The following CRACR2A variants were observed in gnomAD, a reference collection of about 807,000 sequenced individuals.
CRACR2A encodes the protein calcium release activated channel regulator 2A.
CRACR2A carries 79 observed loss-of-function variants against 90.5 expected under a neutral mutation model. The ratio of observed to expected loss-of-function variants is 0.87; its 90% confidence interval spans 0.73 to 1.05. The LOEUF is 1.05. Among genes scored for constraint, CRACR2A ranks in the 50% least tolerant of loss-of-function variants. CRACR2A has a pLI of 0.00. For synonymous variants in CRACR2A, 338 were observed against 356.7 expected (o/e 0.95, Z 0.59); for missense variants, 823 against 897.2 (o/e 0.92, Z 1.06).
intron 18 of CRACR2A, among the ~76,000 whole-genome samples, chr12:3,617,936 G>A (rs1335812098): frequency 6.6e-6 from 1 of 152,128 alleles, no homozygotes; most frequent in East Asian, 1.9e-4. Context: ...CAGCCCCATG[G>A]GCTCTATTTC....
At chr12:3,660,369 G>A (rs1565478998) in intron 7 of CRACR2A, among the ~76,000 whole-genome samples, 1 of 152,140 alleles carries the variant, frequency 6.6e-6, no homozygotes, top group African/African-American at 2.4e-5. Flanking sequence ...GGAGGATGGC[G>A]ATGACAATGA....
chr12:3,653,014 A>G (rs1944821526), intron 10 of CRACR2A, among the ~76,000 whole-genome samples: 2 of 151,576 alleles, frequency 1.3e-5, no homozygotes, highest in Non-Finnish European at 2.9e-5. Context: ...GGGGAGTCTC[A>G]CTCTGTCACC....
At chr12:3,643,182 T>C (rs2137389827) in intron 12 of CRACR2A, among the ~76,000 whole-genome samples, 1 of 152,300 alleles carries the variant, frequency 6.6e-6, no homozygotes. Context: ...GCTCTAATAG[T>C]ACACACAGGT....
chr12:3,656,479 C>A lies in CRACR2A; in HGVS notation c.763-73G>T, dbSNP rs1247010619. On this transcript the variant is annotated intron_variant, in intron 8 of 19. Transcript: ENST00000440314. ...CGGGTTATAGATTTTTTTTTTCCCA[C>A]CTTGAACCTACTCAACATCAGGGCC... 4 of 1,365,222 alleles carry A rather than the reference C, an allele frequency of 2.9e-6. No homozygotes were observed. In the African/African-American group the frequency reaches 4.3e-5, roughly 15 times the overall value. 84.6% of individuals were successfully genotyped at this position (1,365,222 alleles called of 1,614,324 possible).
At chr12:3,703,365 A>G (rs1356298413) in intron 3 of CRACR2A, among the ~76,000 whole-genome samples, 1 of 152,208 alleles carries the variant, frequency 6.6e-6, no homozygotes, top group Non-Finnish European at 1.5e-5. Context: ...GATTACAGGC[A>G]TGAGCCACCG....
At chr12:3,717,213 C>CT (rs1465365569) in intron 2 of CRACR2A, among the ~76,000 whole-genome samples, 2 of 152,294 alleles carry the variant, frequency 1.3e-5, no homozygotes, top group East Asian at 3.9e-4. Context: ...CTTCCAGATG[C>CT]TAGAGGCTGG....
chr12:3,707,788 GTAA>G (rs1220567427), intron 3 of CRACR2A, among the ~76,000 whole-genome samples: 1 of 152,206 alleles, frequency 6.6e-6, no homozygotes, highest in Admixed American at 6.5e-5. Context: ...AGAGAGAGAT[GTAA>G]TAATAACACC....
intron 4 of CRACR2A, among the ~76,000 whole-genome samples, chr12:3,688,981 T>A (rs1261815387): frequency 6.6e-6 from 1 of 152,204 alleles, no homozygotes; most frequent in Non-Finnish European, 1.5e-5. Context: ...TGGGAATATC[T>A]TCCTGATTTG....
chr12:3,632,991 AT>A (rs1565465512), intron 15 of CRACR2A, among the ~76,000 whole-genome samples: 2 of 152,360 alleles, frequency 1.3e-5, no homozygotes, highest in East Asian at 3.9e-4. Flanking sequence ...CTCTATTTAA[AT>A]AAAATATCAC....
chr12:3,732,694 T>G lies in CRACR2A; in HGVS notation c.-118+248A>C, dbSNP rs544279866. The G allele has an allele frequency of 4.6e-5, 7 of 152,284 alleles. No individual in the cohort carries two copies. The South Asian group carries it at 1.5e-3, about 32-fold the overall frequency. 9.4% of individuals were successfully genotyped at this position (152,284 alleles called of 1,614,324 possible). On this transcript the variant is annotated intron_variant, in intron 2 of 19. Transcript: ENST00000440314. ...GTCCCAGTCAGAGAAGCAGACCCTG[T>G]GGGATGTTGAGCCTATTCTGCAGCA...
intron 15 of CRACR2A, among the ~76,000 whole-genome samples, chr12:3,629,591 C>A (rs1019474463): frequency 3.3e-5 from 5 of 152,316 alleles, no homozygotes; most frequent in South Asian, 4.1e-4. Flanking sequence ...GGTAGACGGG[C>A]AGGGAGTTTG....
intron 8 of CRACR2A, 59 bp from the exon 9 acceptor site, chr12:3,656,465 T>A: frequency 7.4e-7 from 1 of 1,346,144 alleles, no homozygotes; most frequent in Non-Finnish European, 1.0e-6. Flanking sequence ...GGGTTATAGA[T>A]TTTTTTTTTC....
intron 1 of CRACR2A, among the ~76,000 whole-genome samples, chr12:3,750,697 G>C (rs1386123818): frequency 6.6e-6 from 1 of 152,146 alleles, no homozygotes; most frequent in African/African-American, 2.4e-5. Context: ...TGAACTCAGT[G>C]GGTGATTAGC....
chr12:3,647,480 T>C (rs1335003575), intron 11 of CRACR2A, among the ~76,000 whole-genome samples: 1 of 152,134 alleles, frequency 6.6e-6, no homozygotes, highest in African/African-American at 2.4e-5. Context: ...CTAAATGCAA[T>C]AGAAAAAAAA....
chr12:3,657,495 C>T lies in CRACR2A; in HGVS notation c.763-1089G>A, dbSNP rs576752116. ...GCCTTTGGACACCTCCATTCAAAGGCGCAGGATGCTTCCTTGCGCATCCTC... is the reference window on the plus strand; with the variant it reads ...GCCTTTGGACACCTCCATTCAAAGGTGCAGGATGCTTCCTTGCGCATCCTC... On this transcript the variant is annotated intron_variant, in intron 8 of 19. Coordinates refer to ENST00000440314, the MANE Select transcript of CRACR2A (RefSeq NM_001144958.2). Among the ~76,000 whole-genome samples, 32 of 152,308 alleles carry T rather than the reference C, an allele frequency of 2.1e-4. No homozygotes were observed. The South Asian group carries it at 3.9e-3, about 19-fold the overall frequency.
chr12:3,737,878 T>C (rs1199761841), intron 1 of CRACR2A, among the ~76,000 whole-genome samples: 1 of 152,256 alleles, frequency 6.6e-6, no homozygotes, highest in African/African-American at 2.4e-5. Flanking sequence ...CTACCAAGCC[T>C]TCCTCTCCTA....
At position 3,633,694 on chromosome 12, in the gene CRACR2A, C is replaced by G. The variant is rs374742848; in HGVS notation, c.1645G>C (p.Val549Leu). 4 of 1,551,748 alleles carry G rather than the reference C, an allele frequency of 2.6e-6. No individual in the cohort carries two copies. The African/African-American group carries it at 5.5e-5, about 21-fold the overall frequency. ...PSAPDRLFKI[V>L]FVGNSAVGKT... ...CCCACCGCGGAATTGCCCACGAACACAATCTTGAAGAGCCGGTCAGGGGCA... is the reference window on the plus strand; with the variant it reads ...CCCACCGCGGAATTGCCCACGAACAGAATCTTGAAGAGCCGGTCAGGGGCA... The change falls in exon 15 of 20, where the codon GTG becomes CTG. Residue 549 changes from valine to leucine, a missense_variant. Physicochemically the swap from Val to Leu is conservative, Grantham distance 32 (BLOSUM62 1). Coordinates refer to ENST00000440314, the MANE Select transcript of CRACR2A (RefSeq NM_001144958.2). The surrounding 1 kb of genome is among the most constrained non-coding windows in gnomAD (Gnocchi z 4.5).
intron 17 of CRACR2A, among the ~76,000 whole-genome samples, chr12:3,621,609 C>T (rs1279080977): frequency 7.1e-5 from 8 of 113,272 alleles, no homozygotes; most frequent in Admixed American, 2.4e-4. Context: ...CAAGATTGTG[C>T]CACTGCACTC....
intron 3 of CRACR2A, among the ~76,000 whole-genome samples, chr12:3,698,908 C>A (rs1237310452): frequency 6.6e-6 from 1 of 152,124 alleles, no homozygotes; most frequent in African/African-American, 2.4e-5. Flanking sequence ...TGGTACCTTG[C>A]CGGGACTCTG....
Sources: gnomAD v4.1 joint callset for allele counts (sites outside exome capture counted in the v4.1 genomes callset) on GRCh38, gnomAD v4.1.1 for gene constraint, Gnocchi (gnomAD v3.1) non-coding constraint, MANE v1.5 for transcripts, NCBI Gene and HGNC (gene_info 2026-07-23, HGNC 2026-07-21) for gene names.